Variants in CNOT9 observed in about 807,000 individuals in gnomAD.
CNOT9 encodes the protein RCD1 required for cell differentiation1 homolog.
A neutral mutation model predicts 37.4 loss-of-function variants in CNOT9; 8 were observed. That is an observed-to-expected ratio of 0.21 (90% CI 0.13 to 0.39). CNOT9 has a LOEUF of 0.39. Ranked by LOEUF, CNOT9 falls within the 10% of genes least tolerant of loss-of-function variation. CNOT9 has a pLI of 1.00. For synonymous variants in CNOT9, 120 were observed against 137.6 expected (o/e 0.87, Z 0.90); for missense variants, 154 against 365.3 (o/e 0.42, Z 4.71).
In CNOT9 at chr2:218,580,785, C is replaced by T. The variant is rs1039034786; in HGVS notation, c.204+45C>T. Reference sequence around the variant, plus strand: ...TGGCAGTTCAGTTCTTTTCATTACACTTGTATATTTCTTTACCTTTGCCCA... The same window carrying T: ...TGGCAGTTCAGTTCTTTTCATTACATTTGTATATTTCTTTACCTTTGCCCA... On this transcript the variant is annotated intron_variant, in intron 2 of 7. Transcript: ENST00000273064. 4 of 1,528,882 alleles carry T rather than the reference C, an allele frequency of 2.6e-6. No homozygotes were observed. The African/African-American group carries it at 5.5e-5, about 21-fold the overall frequency. The allele number at this position is 1,528,882 out of a possible 1,614,324, so 94.7% of individuals were successfully genotyped here. A position where few individuals can be genotyped will look rare whatever the true frequency, so the allele number is the denominator to read the frequency against.
chr2:218,580,249 G>T (rs1694327542), intron 1 of CNOT9, among the ~76,000 whole-genome samples: 1 of 152,076 alleles, frequency 6.6e-6, no homozygotes, highest in Admixed American at 6.6e-5. Context: ...GATTACAGGG[G>T]TGTGCCACCG....
chr2:218,586,593 A>G (rs1041758889), intron 4 of CNOT9, among the ~76,000 whole-genome samples: 1 of 151,860 alleles, frequency 6.6e-6, no homozygotes, highest in African/African-American at 2.4e-5. Flanking sequence ...GGTTCTAGCA[A>G]TTCTTCTGCC....
In CNOT9 at chr2:218,580,937, G is replaced by C. The variant is rs1694350488; in HGVS notation, c.204+197G>C. ...ATCCTTACCCAAGAGATTCAATTTA[G>C]TCAGTCTGAGGTGGGCCCTATAATC... On this transcript the variant is annotated intron_variant, in intron 2 of 7. Transcript: ENST00000273064. 9 of 664,910 alleles carry C rather than the reference G, an allele frequency of 1.4e-5. No individual in the cohort carries two copies. In the Admixed American group the frequency reaches 1.9e-4, roughly 14 times the overall value. The allele number at this position is 664,910 out of a possible 1,614,324, so 41.2% of individuals were successfully genotyped here.
intron 1 of CNOT9, among the ~76,000 whole-genome samples, chr2:218,575,851 T>C (rs983585305): frequency 6.6e-6 from 1 of 152,194 alleles, no homozygotes; most frequent in Non-Finnish European, 1.5e-5. Context: ...GTGAGCAATG[T>C]GTGCTACTAG....
At chr2:218,590,696 G>A (rs1694744482) in intron 5 of CNOT9, among the ~76,000 whole-genome samples, 1 of 152,028 alleles carries the variant, frequency 6.6e-6, no homozygotes. Context: ...CCTGGATTAT[G>A]GCCCCCTCCC....
chr2:218,587,826 A>G, intron 5 of CNOT9, 131 bp downstream of exon 5: 1 of 451,664 alleles, frequency 2.2e-6, no homozygotes, highest in Non-Finnish European at 3.7e-6. Flanking sequence ...AAAAATTATT[A>G]TGAAACAATT....
intron 5 of CNOT9, among the ~76,000 whole-genome samples, chr2:218,589,579 TC>T (rs1694707282): frequency 6.6e-6 from 1 of 152,208 alleles, no homozygotes; most frequent in Non-Finnish European, 1.5e-5. Context: ...CAAAGGATCT[TC>T]CTGCCTTCTG....
intron 1 of CNOT9, among the ~76,000 whole-genome samples, chr2:218,570,646 T>A (rs1304393535): frequency 6.6e-6 from 1 of 152,210 alleles, no homozygotes; most frequent in African/African-American, 2.4e-5. Context: ...GGTTGACTTG[T>A]CCATCTCTCA....
intron 1 of CNOT9, among the ~76,000 whole-genome samples, chr2:218,577,469 A>G (rs1229375889): frequency 1.3e-5 from 2 of 152,216 alleles, no homozygotes; most frequent in Admixed American, 1.3e-4. Context: ...CTTAGAATCA[A>G]AATCACATGG....
intron 7 of CNOT9, chr2:218,593,763 A>G: frequency 8.3e-7 from 1 of 1,206,916 alleles, no homozygotes; most frequent in Non-Finnish European, 1.1e-6. Context: ...CTGATTTTTG[A>G]ATTATTTTAT....
chr2:218,573,754 G>A (rs1332771892), intron 1 of CNOT9: 1 of 186,342 alleles, frequency 5.4e-6, no homozygotes, highest in Non-Finnish European at 1.1e-5. Context: ...TCAGTACCCT[G>A]TGTGACACTT....
At chr2:218,575,771 AATT>A (rs1694145424) in intron 1 of CNOT9, among the ~76,000 whole-genome samples, 1 of 152,146 alleles carries the variant, frequency 6.6e-6, no homozygotes, top group Non-Finnish European at 1.5e-5. Flanking sequence ...GGTATCCTGC[AATT>A]ATTATTAATG....
intron 5 of CNOT9, among the ~76,000 whole-genome samples, chr2:218,591,421 A>G (rs1694771433): frequency 6.6e-6 from 1 of 152,114 alleles, no homozygotes; most frequent in Non-Finnish European, 1.5e-5. Flanking sequence ...TGAAAATCTT[A>G]TTTCTTCAAG....
rs1693826584 is a variant in CNOT9, at chr2:218,568,916, C to A, written c.-39C>A. On this transcript the variant is annotated 5_prime_UTR_variant, in exon 1 of 8. Transcript: ENST00000273064. Reference sequence around the variant, plus strand: ...TGCTGAAGGGGGGACGCGGGTCGGACGCGTCCGGCTGTGGAAGAGAGCGGC... The same window carrying A: ...TGCTGAAGGGGGGACGCGGGTCGGAAGCGTCCGGCTGTGGAAGAGAGCGGC... 6.3e-7 allele frequency: 1 copy of A among 1,599,286 alleles called. No individual in the cohort carries two copies. Among genetic ancestry groups the A allele is most frequent in the African/African-American group, 1.3e-5 (1 of 74,622 alleles).
intron 5 of CNOT9, among the ~76,000 whole-genome samples, chr2:218,589,859 AG>A (rs1476440712): frequency 6.6e-6 from 1 of 152,204 alleles, no homozygotes; most frequent in Non-Finnish European, 1.5e-5. Context: ...TGACTGTCAA[AG>A]GCATTGTTGA....
Position 218,587,571 on chromosome 2 carries a change from C to T in CNOT9, c.431-15C>T. Reference sequence around the variant, plus strand: ...CTAACTGTAAAATAATTTTGTTTGTCCTTATTTTCTTTAGGGGCCCTGGTG... The same window carrying T: ...CTAACTGTAAAATAATTTTGTTTGTTCTTATTTTCTTTAGGGGCCCTGGTG... On this transcript the variant is annotated splice_polypyrimidine_tract_variant and intron_variant, in intron 4 of 7. Coordinates refer to ENST00000273064, the MANE Select transcript of CNOT9 (RefSeq NM_005444.3). 1 of 1,564,636 alleles carries T rather than the reference C, an allele frequency of 6.4e-7. No individual in the cohort carries two copies. The highest frequency in any genetic ancestry group is 1.4e-5 in the African/African-American group (1 of 73,042).
At chr2:218,578,656 C>G (rs976334205) in intron 1 of CNOT9, among the ~76,000 whole-genome samples, 3 of 152,098 alleles carry the variant, frequency 2.0e-5, no homozygotes, top group Non-Finnish European at 2.9e-5. Flanking sequence ...CCTTCCCCCC[C>G]GCCTCCCGCT....
rs1172484260 is a variant in CNOT9 at position 218,588,588 on chromosome 2, C to CTTTTTTT, written c.540+913_540+919dup. ...ACAGTCATGAGCCACTCCACCCGGC[C>CTTTTTTT]TTTTTTTTTTTTTTTTTTTTTTTTT... On this transcript the variant is annotated intron_variant, in intron 5 of 7. Transcript: ENST00000273064. Among the ~76,000 whole-genome samples the CTTTTTTT allele has an allele frequency of 3.6e-3, 122 of 33,454 alleles. 39 individuals are homozygous for CTTTTTTT. The highest frequency in any genetic ancestry group is 0.011 in the African/African-American group (84 of 7,400). 21.9% of individuals were successfully genotyped at this position (33,454 alleles called of 152,430 possible).
intron 1 of CNOT9, among the ~76,000 whole-genome samples, chr2:218,576,935 C>A (rs1420098398): frequency 1.3e-5 from 2 of 151,136 alleles, no homozygotes; most frequent in Admixed American, 1.3e-4. Context: ...CCACTGCACT[C>A]CAGCCTGGGA....
Sources: gnomAD v4.1 joint callset for allele counts (sites outside exome capture counted in the v4.1 genomes callset) on GRCh38, gnomAD v4.1.1 for gene constraint, MANE v1.5 for transcripts, NCBI Gene and HGNC (gene_info 2026-07-23, HGNC 2026-07-21) for gene names.